The following LRRC7 variants were observed in gnomAD, a reference collection of about 807,000 sequenced individuals.
The protein encoded by LRRC7 is leucine rich repeat containing 7.
A neutral mutation model predicts 175.7 loss-of-function variants in LRRC7; 23 were observed. The observed-to-expected ratio is 0.13, with a 90% confidence interval of 0.09 to 0.19. The LOEUF (loss-of-function observed/expected upper bound fraction) is 0.19, where lower values mean the gene tolerates loss of function less well. Among genes scored for constraint, LRRC7 ranks in the 10% least tolerant of loss-of-function variants. The pLI is 1.00. For missense variants in LRRC7, 1,354 were observed against 1,904.7 expected, an observed-to-expected ratio of 0.71 and a Z score of 5.38; for synonymous variants, 685 against 680.9, an observed-to-expected ratio of 1.01 and a Z score of -0.09.
chr1:69,643,783 C>T (rs1654592949), intron 1 of LRRC7, among the ~76,000 whole-genome samples: 1 of 151,952 alleles, frequency 6.6e-6, no homozygotes, highest in Admixed American at 6.6e-5. Flanking sequence ...AGGCATCCTC[C>T]ACTCCCTTAT....
At chr1:70,055,003 C>T (rs1661044340) in intron 23 of LRRC7, among the ~76,000 whole-genome samples, 1 of 152,006 alleles carries the variant, frequency 6.6e-6, no homozygotes, top group Non-Finnish European at 1.5e-5. Context: ...TCTTGATGAC[C>T]ACTTCAATAC....
intron 2 of LRRC7, among the ~76,000 whole-genome samples, chr1:69,714,572 T>A (rs1220705564): frequency 6.6e-6 from 1 of 151,884 alleles, no homozygotes; most frequent in Non-Finnish European, 1.5e-5. Flanking sequence ...TTGATGAGAG[T>A]GATGAAACCA....
In LRRC7 at chr1:70,143,633, G is replaced by C. The variant is rs749696720; in HGVS notation, c.*21746G>C. On this transcript the variant is annotated 3_prime_UTR_variant, in exon 27 of 27. Transcript: ENST00000651989. ...AGCCTAGGTGGCTGTATACAAATTC[G>C]GGTGGGAGGGGGCAGGAAACACCTC... The C allele has an allele frequency of 4.6e-5, 7 of 151,952 alleles. No individual in the cohort carries two copies. The highest frequency in any genetic ancestry group is 1.0e-4 in the Non-Finnish European group (7 of 67,978). The allele number at this position is 151,952 out of a possible 1,614,324, so 9.4% of individuals were successfully genotyped here. A position where few individuals can be genotyped will look rare whatever the true frequency, so the allele number is the denominator to read the frequency against.
intron 2 of LRRC7, among the ~76,000 whole-genome samples, chr1:69,687,990 A>G (rs182370325): frequency 1.3e-5 from 2 of 152,174 alleles, no homozygotes; most frequent in East Asian, 3.8e-4. Flanking sequence ...GCTTCCCTCC[A>G]TATCAAGTTG....
intron 2 of LRRC7, among the ~76,000 whole-genome samples, chr1:69,726,441 T>C (rs1666984888): frequency 6.6e-6 from 1 of 152,178 alleles, no homozygotes; most frequent in Non-Finnish European, 1.5e-5. Flanking sequence ...ATTGATGTCA[T>C]TAAATATGGC....
At chr1:69,580,826 A>T (rs1207832678) in intron 1 of LRRC7, among the ~76,000 whole-genome samples, 1 of 152,216 alleles carries the variant, frequency 6.6e-6, no homozygotes. Context: ...ATTACAAATT[A>T]TGATAAAAGC....
rs780067401 is a variant in LRRC7, at chr1:69,707,634, A to T, written c.100+29156A>T. The stretch of plus-strand genomic sequence containing the variant: ...CCTAAGATAATATCTAGAATAAAAT[A>T]TGCATTCAGTAAATGCTAATTTTCC... On this transcript the variant is annotated intron_variant, in intron 2 of 26. Coordinates refer to ENST00000651989, the MANE Select transcript of LRRC7 (RefSeq NM_001370785.2). Among the ~76,000 whole-genome samples the T allele has an allele frequency of 3.3e-5, 5 of 152,224 alleles. No individual in the cohort carries two copies. In the South Asian group the frequency reaches 8.3e-4, roughly 25 times the overall value.
At chr1:69,985,276 A>G (rs1187397888) in intron 9 of LRRC7, among the ~76,000 whole-genome samples, 1 of 152,204 alleles carries the variant, frequency 6.6e-6, no homozygotes, top group African/African-American at 2.4e-5. Context: ...ATACTGGTGC[A>G]TAGTAGATCC....
intron 2 of LRRC7, among the ~76,000 whole-genome samples, chr1:69,724,369 G>T (rs1666701208): frequency 6.6e-6 from 1 of 152,106 alleles, no homozygotes; most frequent in African/African-American, 2.4e-5. Flanking sequence ...CTATGTCTTT[G>T]TGAATGAGTT....
rs182058215 is a variant in LRRC7 at position 70,135,337 on chromosome 1, A to G, written c.*13450A>G. Among the ~76,000 whole-genome samples, 1 of 151,984 alleles carries G rather than the reference A, an allele frequency of 6.6e-6. No homozygotes were observed. Among genetic ancestry groups the G allele is most frequent in the Non-Finnish European group, 1.5e-5 (1 of 67,982 alleles). The stretch of plus-strand genomic sequence containing the variant: ...GCTTATTCTTTTCACTTTTTTACCC[A>G]TCTCCGTGCCATACTGTAGAACAAA... On this transcript the variant is annotated 3_prime_UTR_variant, in exon 27 of 27. Transcript: ENST00000651989.
intron 8 of LRRC7, among the ~76,000 whole-genome samples, chr1:69,961,366 A>G (rs1651067092): frequency 6.6e-6 from 1 of 152,238 alleles, no homozygotes; most frequent in Non-Finnish European, 1.5e-5. Flanking sequence ...TTCCATGCTC[A>G]TGAATAAGAA....
chr1:69,793,095 A>G (rs142321006), intron 4 of LRRC7, among the ~76,000 whole-genome samples: 41 of 152,256 alleles, frequency 2.7e-4, no homozygotes, highest in African/African-American at 9.1e-4. Flanking sequence ...GGTTATATTT[A>G]GTGCTGAGGA....
chr1:70,036,341 T>C (rs1287779022), intron 19 of LRRC7, 103 bp from the exon 20 acceptor site: 5 of 1,393,136 alleles, frequency 3.6e-6, no homozygotes, highest in Non-Finnish European at 5.0e-6. Context: ...TTTACAAATA[T>C]GCATTTCTAA....
At chr1:69,943,068 G>C (rs902854237) in intron 8 of LRRC7, among the ~76,000 whole-genome samples, 1 of 152,072 alleles carries the variant, frequency 6.6e-6, no homozygotes, top group Non-Finnish European at 1.5e-5. Flanking sequence ...GTGGCCCAGG[G>C]AAGCCAGAAG....
At chr1:69,931,227 C>T (rs1011025061) in intron 7 of LRRC7, among the ~76,000 whole-genome samples, 5 of 152,310 alleles carry the variant, frequency 3.3e-5, no homozygotes, top group African/African-American at 9.6e-5. Context: ...CCCCACCCTA[C>T]ACCTCCCACT....
intron 7 of LRRC7, among the ~76,000 whole-genome samples, chr1:69,910,831 G>T (rs1226741229): frequency 1.3e-5 from 2 of 152,232 alleles, no homozygotes; most frequent in Non-Finnish European, 2.9e-5. Context: ...AGGCCTCCTT[G>T]AGCTGTGGTG....
Position 69,821,641 on chromosome 1 carries a change from C to A in LRRC7, c.422-4107C>A, listed in dbSNP as rs150060336. Among the ~76,000 whole-genome samples the A allele has an allele frequency of 2.3e-3, 353 of 152,224 alleles. 2 individuals are homozygous for A. The highest frequency in any genetic ancestry group is 8.2e-3 in the African/African-American group (339 of 41,554). On this transcript the variant is annotated intron_variant, in intron 4 of 26. Coordinates refer to ENST00000651989, the MANE Select transcript of LRRC7 (RefSeq NM_001370785.2). ...TCACATGGTGGCTCTCGCCTGTAATCCCAGCACTTTCGGAGGTTGAGGCGG... is the reference window on the plus strand; with the variant it reads ...TCACATGGTGGCTCTCGCCTGTAATACCAGCACTTTCGGAGGTTGAGGCGG...
chr1:70,070,227 T>C (rs1232328673), intron 23 of LRRC7, among the ~76,000 whole-genome samples: 1 of 152,148 alleles, frequency 6.6e-6, no homozygotes, highest in African/African-American at 2.4e-5. Flanking sequence ...ACTCCTGGCC[T>C]CAACTGACCC....
intron 7 of LRRC7, among the ~76,000 whole-genome samples, chr1:69,894,954 G>C (rs1248752853): frequency 1.3e-5 from 2 of 152,120 alleles, no homozygotes; most frequent in African/African-American, 4.8e-5. Context: ...AGGCCGGGGG[G>C]CGTGGCTCAC....
Sources: gnomAD v4.1 joint callset for allele counts (sites outside exome capture counted in the v4.1 genomes callset) on GRCh38, gnomAD v4.1.1 for gene constraint, MANE v1.5 for transcripts, NCBI Gene and HGNC (gene_info 2026-07-23, HGNC 2026-07-21) for gene names.